The following SCRN1 variants were observed in gnomAD, a reference collection of about 807,000 sequenced individuals.
SCRN1 encodes the protein secernin-1.
A neutral mutation model predicts 43.3 loss-of-function variants in SCRN1; 19 were observed. The ratio of observed to expected loss-of-function variants is 0.44; its 90% CI spans 0.31 to 0.64. The LOEUF (loss-of-function observed/expected upper bound fraction) is 0.64. Among genes scored for constraint, SCRN1 ranks in the 30% least tolerant of loss-of-function variants. The pLI is 0.09. For synonymous variants in SCRN1, 183 were observed against 188.9 expected (o/e 0.97, Z 0.26); for missense variants, 447 against 524.1 (o/e 0.85, Z 1.44).
rs1158913596 is a variant in SCRN1 at position 29,952,176 on chromosome 7, A to G, written c.341+3003T>C. Among the ~76,000 whole-genome samples, 19 of 152,242 alleles carry G rather than the reference A, an allele frequency of 1.2e-4. 1 individual carries two copies. The highest frequency in any genetic ancestry group is 1.2e-3 in the Admixed American group (19 of 15,284). ...GTTCTCACCGTAACCGTGCATCAGC[A>G]CCAGCTGGAGAACTTGTTAAAACAG... On this transcript the variant is annotated intron_variant, in intron 3 of 7. Coordinates refer to ENST00000242059, the MANE Select transcript of SCRN1 (RefSeq NM_014766.5).
chr7:29,978,093 A>AT (rs1788886447), intron 1 of SCRN1, among the ~76,000 whole-genome samples: 1 of 152,218 alleles, frequency 6.6e-6, no homozygotes. Context: ...TTCAAAGGCA[A>AT]TATCTACTTC....
chr7:29,989,846 A>G (rs1160224166), upstream of SCRN1: 14 of 877,378 alleles, frequency 1.6e-5, no homozygotes, highest in East Asian at 1.7e-3. Context: ...GGCCCGACTC[A>G]CGTGACCGCG....
chr7:29,985,523 C>T (rs1451485377), intron 1 of SCRN1, among the ~76,000 whole-genome samples: 1 of 152,130 alleles, frequency 6.6e-6, no homozygotes, highest in Non-Finnish European at 1.5e-5. Flanking sequence ...CCCTAACTTG[C>T]AGCCCAGGGC....
At chr7:29,964,834 T>G (rs887245595) in intron 2 of SCRN1, among the ~76,000 whole-genome samples, 2 of 151,976 alleles carry the variant, frequency 1.3e-5, no homozygotes, top group African/African-American at 4.8e-5. Flanking sequence ...CCCAGCTACT[T>G]GGGAGGCTGA....
chr7:29,967,903 A>C (rs1272965523), intron 2 of SCRN1, among the ~76,000 whole-genome samples: 2 of 152,224 alleles, frequency 1.3e-5, no homozygotes, highest in African/African-American at 4.8e-5. Context: ...TTGACAACAC[A>C]TTCTGGGAAT....
At chr7:29,971,813 C>T (rs1444008617) in intron 1 of SCRN1, among the ~76,000 whole-genome samples, 1 of 152,094 alleles carries the variant, frequency 6.6e-6, no homozygotes, top group Non-Finnish European at 1.5e-5. Context: ...GACTGTATTG[C>T]TATTTCTATA....
chr7:29,974,885 T>C (rs1788766458), intron 1 of SCRN1, among the ~76,000 whole-genome samples: 1 of 152,232 alleles, frequency 6.6e-6, no homozygotes, highest in Middle Eastern at 3.4e-3. Context: ...GGTTTCACCA[T>C]GTTGGCCAGG....
At chr7:29,989,496 A>G (rs1789288718) in intron 1 of SCRN1, 146 bp downstream of exon 1, 1 of 954,270 alleles carries the variant, frequency 1.0e-6, no homozygotes, top group Non-Finnish European at 1.2e-6. Flanking sequence ...CCGGGCCAGC[A>G]CCGGGAATCG....
chr7:29,947,885 C>T (rs754414709), intron 3 of SCRN1, among the ~76,000 whole-genome samples: 2 of 152,276 alleles, frequency 1.3e-5, no homozygotes, highest in Middle Eastern at 3.4e-3. Context: ...TGTGAGGATA[C>T]GGGGGAAGAT....
chr7:29,976,288 A>G (rs1788835328), intron 1 of SCRN1, among the ~76,000 whole-genome samples: 1 of 152,186 alleles, frequency 6.6e-6, no homozygotes, highest in South Asian at 2.1e-4. Flanking sequence ...AAGGAACCAA[A>G]TTTTTAATTA....
chr7:29,951,885 A>G (rs943503338), intron 3 of SCRN1, among the ~76,000 whole-genome samples: 3 of 152,230 alleles, frequency 2.0e-5, no homozygotes, highest in Non-Finnish European at 4.4e-5. Flanking sequence ...ATGCTGCTGG[A>G]AAGTGCAAAG....
chr7:29,941,529 T>C (rs1469427868), intron 4 of SCRN1, among the ~76,000 whole-genome samples: 3 of 152,208 alleles, frequency 2.0e-5, no homozygotes, highest in African/African-American at 7.2e-5. Flanking sequence ...TACATATGTC[T>C]GGGTATGTGT....
intron 2 of SCRN1, among the ~76,000 whole-genome samples, chr7:29,966,396 C>T (rs1195341404): frequency 6.6e-6 from 1 of 152,114 alleles, no homozygotes; most frequent in Non-Finnish European, 1.5e-5. Flanking sequence ...TTTGGTGCAG[C>T]CACCTTTGAG....
chr7:29,934,634 C>T (rs1030013959), intron 6 of SCRN1, among the ~76,000 whole-genome samples: 11 of 152,186 alleles, frequency 7.2e-5, no homozygotes, highest in African/African-American at 1.2e-4. Context: ...AAAGGGAAGA[C>T]GGAGCCCCAA....
intron 1 of SCRN1, among the ~76,000 whole-genome samples, chr7:29,986,447 A>C (rs749988065): frequency 6.6e-6 from 1 of 152,052 alleles, no homozygotes; most frequent in Non-Finnish European, 1.5e-5. Flanking sequence ...TTGTGTGTAT[A>C]TTTTACACTC....
chr7:29,928,626 G>C (rs1787052929), intron 6 of SCRN1, among the ~76,000 whole-genome samples: 2 of 152,088 alleles, frequency 1.3e-5, no homozygotes, highest in Non-Finnish European at 2.9e-5. Context: ...GGAAGCATAA[G>C]GCATGCCAGG....
intron 7 of SCRN1, among the ~76,000 whole-genome samples, chr7:29,924,805 T>A (rs1232424861): frequency 6.6e-6 from 1 of 152,220 alleles, no homozygotes; most frequent in African/African-American, 2.4e-5. Context: ...ACTTCTTCCA[T>A]GGGACTCACT....
In SCRN1 at chr7:29,965,814, C is replaced by T. The variant is rs572866531; in HGVS notation, c.159+3095G>A. The stretch of plus-strand genomic sequence containing the variant: ...TTAACTAGCAAAAGGAATCTAGCCT[C>T]GTCCTTAAAATAATTGTAACCATGA... On this transcript the variant is annotated intron_variant, in intron 2 of 7. Transcript: ENST00000242059. This position sits in a 1 kb window ranked among gnomAD's most constrained non-coding sequence, Gnocchi z 4.2. 5.8e-4 allele frequency among the ~76,000 whole-genome samples: 88 copies of T among 152,156 alleles called. No homozygotes were observed. Among genetic ancestry groups the T allele is most frequent in the African/African-American group, 2.0e-3 (85 of 41,492 alleles).
At chr7:29,932,116 T>G (rs1421370183) in intron 6 of SCRN1, among the ~76,000 whole-genome samples, 1 of 140,420 alleles carries the variant, frequency 7.1e-6, no homozygotes, top group East Asian at 2.1e-4. Flanking sequence ...ATGGCGGCTC[T>G]GGGGGGTTTT....
Sources: allele counts gnomAD v4.1 joint callset (sites outside exome capture counted in the v4.1 genomes callset), GRCh38; gene constraint gnomAD v4.1.1; non-coding constraint Gnocchi (gnomAD v3.1); transcripts MANE v1.5; gene names NCBI Gene and HGNC (gene_info 2026-07-23, HGNC 2026-07-21).